Variants in NR3C2 observed in about 807,000 individuals in gnomAD.
NR3C2 encodes the protein mineralocorticoid receptor.
In NR3C2, 15 loss-of-function variants were observed where a neutral mutation model predicts 86.4. That is an observed-to-expected ratio of 0.17 (90% CI 0.12 to 0.27). NR3C2 has a LOEUF of 0.27. Among genes scored for constraint, NR3C2 ranks in the 10% least tolerant of loss-of-function variants. The probability of loss-of-function intolerance (pLI) is 1.00; values close to 1 mark genes in which losing one functional copy is unlikely to be tolerated. For synonymous variants in NR3C2, 458 were observed against 450.5 expected (o/e 1.02, Z -0.21); for missense variants, 960 against 1,195.6 (o/e 0.80, Z 2.91).
intron 8 of NR3C2, among the ~76,000 whole-genome samples, chr4:148,083,281 A>G (rs1462850289): frequency 6.6e-6 from 1 of 152,152 alleles, no homozygotes; most frequent in African/African-American, 2.4e-5. Context: ...CTCCTGACAA[A>G]GAGACACCTC....
intron 2 of NR3C2, among the ~76,000 whole-genome samples, chr4:148,327,195 A>T (rs1308838225): frequency 6.8e-6 from 1 of 147,264 alleles, no homozygotes; most frequent in East Asian, 1.9e-4. Context: ...AAAATATCTT[A>T]TTTCCTCAAT....
rs1236787560 is a variant in NR3C2, at chr4:148,154,452, T to C, written c.2365+99A>G. The C allele has an allele frequency of 1.5e-5, 16 of 1,091,484 alleles. No individual in the cohort carries two copies. The Admixed American group carries it at 1.7e-4, about 12-fold the overall frequency. The allele number at this position is 1,091,484 out of a possible 1,614,324, so 67.6% of individuals were successfully genotyped here. On this transcript the variant is annotated intron_variant, in intron 5 of 8. Coordinates refer to ENST00000358102, the MANE Select transcript of NR3C2 (RefSeq NM_000901.5). ...TAAAAAATCTGATATCAGGATTTCA[T>C]AGAACGCAAACTCCTCCTGCATGGT...
chr4:148,118,566 A>C (rs925573394), intron 7 of NR3C2, among the ~76,000 whole-genome samples: 1 of 152,142 alleles, frequency 6.6e-6, no homozygotes, highest in Non-Finnish European at 1.5e-5. Flanking sequence ...TTTCAAATTT[A>C]TATCTCCATG....
At chr4:148,200,207 C>G (rs775819673) in intron 3 of NR3C2, among the ~76,000 whole-genome samples, 1 of 152,188 alleles carries the variant, frequency 6.6e-6, no homozygotes, top group Non-Finnish European at 1.5e-5. Context: ...TTCCAGAGGT[C>G]GCCAATGCCC....
intron 8 of NR3C2, among the ~76,000 whole-genome samples, chr4:148,112,324 C>T (rs1242784124): frequency 6.6e-6 from 1 of 152,210 alleles, no homozygotes. Flanking sequence ...TGATATTGCA[C>T]TTGTGCCTAA....
intron 2 of NR3C2, among the ~76,000 whole-genome samples, chr4:148,316,047 T>C (rs1218172220): frequency 6.6e-6 from 1 of 152,136 alleles, no homozygotes; most frequent in Non-Finnish European, 1.5e-5. Flanking sequence ...CCAACTAGAA[T>C]GGTTAAAAGT....
At chr4:148,159,150 A>G (rs1005923421) in intron 4 of NR3C2, among the ~76,000 whole-genome samples, 2 of 152,186 alleles carry the variant, frequency 1.3e-5, no homozygotes, top group African/African-American at 4.8e-5. Flanking sequence ...ATAATGTCTT[A>G]TGTATCTCTA....
chr4:148,444,068 C>T, upstream of NR3C2: 1 of 985,396 alleles, frequency 1.0e-6, no homozygotes, highest in Non-Finnish European at 1.2e-6. Flanking sequence ...CCGTCACGCG[C>T]ACTCTCCCGG....
chr4:148,314,078 A>T (rs1015804617), intron 2 of NR3C2, among the ~76,000 whole-genome samples: 1 of 152,208 alleles, frequency 6.6e-6, no homozygotes, highest in Non-Finnish European at 1.5e-5. Context: ...CTAAGGAATC[A>T]CAAACTCTAT....
At chr4:148,437,084 G>T (rs549695854) in intron 1 of NR3C2, among the ~76,000 whole-genome samples, 10 of 152,286 alleles carry the variant, frequency 6.6e-5, no homozygotes, top group Admixed American at 5.2e-4. Context: ...ATATAAAACT[G>T]TTTTGGATCT....
chr4:148,203,044 C>T (rs1001346686), intron 3 of NR3C2, among the ~76,000 whole-genome samples: 2 of 152,066 alleles, frequency 1.3e-5, no homozygotes, highest in Admixed American at 6.6e-5. Context: ...TTTTCTTTTT[C>T]ATATCTTGAA....
At chr4:148,098,579 T>C (rs546751089) in intron 8 of NR3C2, among the ~76,000 whole-genome samples, 7 of 152,326 alleles carry the variant, frequency 4.6e-5, no homozygotes, top group African/African-American at 1.7e-4. Flanking sequence ...GCCAGGAACA[T>C]GCACATTGGT....
At chr4:148,264,590 T>C (rs1317239939) in intron 2 of NR3C2, among the ~76,000 whole-genome samples, 1 of 152,212 alleles carries the variant, frequency 6.6e-6, no homozygotes, top group Non-Finnish European at 1.5e-5. Context: ...GTTCTAGCTC[T>C]GCCATTAACT....
At chr4:148,211,604 C>T (rs1036801107) in intron 3 of NR3C2, among the ~76,000 whole-genome samples, 1 of 152,116 alleles carries the variant, frequency 6.6e-6, no homozygotes, top group Non-Finnish European at 1.5e-5. Context: ...TAAACCATGG[C>T]GTCACTGGAA....
intron 3 of NR3C2, among the ~76,000 whole-genome samples, chr4:148,195,538 C>T (rs891607693): frequency 2.0e-5 from 3 of 152,046 alleles, no homozygotes; most frequent in African/African-American, 4.8e-5. Flanking sequence ...AACTTTCATT[C>T]GATTTGGGGG....
At chr4:148,275,622 G>A (rs1296494614) in intron 2 of NR3C2, among the ~76,000 whole-genome samples, 1 of 152,068 alleles carries the variant, frequency 6.6e-6, no homozygotes, top group Non-Finnish European at 1.5e-5. Context: ...TACAGACGGG[G>A]TTTCACCATG....
Position 148,081,514 on chromosome 4 carries a change from CAG to C in NR3C2, c.2800-17_2800-16del, listed in dbSNP as rs1172745737. 12 of 1,613,802 alleles carry C rather than the reference CAG, an allele frequency of 7.4e-6. No homozygotes were observed. Among genetic ancestry groups the C allele is most frequent in the East Asian group, 2.2e-5 (1 of 44,876 alleles). On this transcript the variant is annotated splice_polypyrimidine_tract_variant and intron_variant, in intron 8 of 8. Transcript: ENST00000358102. The stretch of plus-strand genomic sequence containing the variant: ...TCGCTCACCAGCTGTAACACAGACA[CAG>C]GGGGCATGACACGGGGGCCTCCTTT...
intron 3 of NR3C2, among the ~76,000 whole-genome samples, chr4:148,215,171 G>C (rs775602326): frequency 5.3e-5 from 8 of 152,202 alleles, no homozygotes; most frequent in Non-Finnish European, 1.0e-4. Flanking sequence ...TATGAAAAGG[G>C]AAAACAAGGC....
chr4:148,136,657 T>A (rs1232380291), intron 6 of NR3C2, among the ~76,000 whole-genome samples: 1 of 152,188 alleles, frequency 6.6e-6, no homozygotes, highest in East Asian at 1.9e-4. Context: ...CACCTGCTTT[T>A]TTTTTTGAGA....
Sources: gnomAD v4.1 joint callset for allele counts (sites outside exome capture counted in the v4.1 genomes callset) on GRCh38, gnomAD v4.1.1 for gene constraint, MANE v1.5 for transcripts, NCBI Gene and HGNC (gene_info 2026-07-23, HGNC 2026-07-21) for gene names.